Variants in CNBD1 observed in about 807,000 individuals in gnomAD.
The protein encoded by CNBD1 is cyclic nucleotide-binding domain-containing protein 1.
CNBD1 carries 71 observed loss-of-function variants against 54.4 expected under a neutral mutation model. The ratio of observed to expected loss-of-function variants is 1.30; its 90% confidence interval spans 1.08 to 1.59. The LOEUF is 1.59. Among genes scored for constraint, CNBD1 ranks in the 40% most tolerant of loss-of-function variants. The pLI is 0.00. For synonymous variants in CNBD1, 182 were observed against 170.7 expected (o/e 1.07, Z -0.51); for missense variants, 659 against 518.0 (o/e 1.27, Z -2.64).
intron 4 of CNBD1, among the ~76,000 whole-genome samples, chr8:87,066,333 A>G (rs1050878577): frequency 6.4e-5 from 9 of 140,848 alleles, no homozygotes; most frequent in Non-Finnish European, 9.9e-5. Context: ...CAGATGTTAC[A>G]TAGTTACACT....
chr8:87,215,876 C>T (rs907898718), intron 5 of CNBD1, among the ~76,000 whole-genome samples: 1 of 152,140 alleles, frequency 6.6e-6, no homozygotes, highest in Admixed American at 6.5e-5. Context: ...AGCCCATGCC[C>T]ATTAAGCAAT....
At chr8:86,993,385 T>C (rs1808796241) in intron 4 of CNBD1, among the ~76,000 whole-genome samples, 1 of 152,196 alleles carries the variant, frequency 6.6e-6, no homozygotes, top group African/African-American at 2.4e-5. Context: ...AGTCCTGGGA[T>C]TGGGTTTCAA....
chr8:87,009,311 AT>A (rs561276075), intron 4 of CNBD1, among the ~76,000 whole-genome samples: 2 of 150,950 alleles, frequency 1.3e-5, no homozygotes, highest in Non-Finnish European at 3.0e-5. Context: ...TTTTATTTTT[AT>A]TTTTTTGAGA....
chr8:87,212,240 T>A (rs1814114639), intron 5 of CNBD1, among the ~76,000 whole-genome samples: 2 of 152,110 alleles, frequency 1.3e-5, no homozygotes, highest in Admixed American at 1.3e-4. Flanking sequence ...AATCCAATAT[T>A]CATTGATCTA....
intron 4 of CNBD1, among the ~76,000 whole-genome samples, chr8:87,015,116 AC>A (rs1376115365): frequency 2.6e-5 from 4 of 152,322 alleles, no homozygotes; most frequent in Non-Finnish European, 2.9e-5. Context: ...ATACTAAAAA[AC>A]GTACATGAAT....
chr8:87,327,148 G>T (rs1220740005), intron 8 of CNBD1, among the ~76,000 whole-genome samples: 3 of 141,838 alleles, frequency 2.1e-5, no homozygotes, highest in Non-Finnish European at 4.6e-5. Context: ...ACTTGAGGAG[G>T]CAGTCTGCCC....
chr8:87,274,146 A>C (rs994685445), intron 6 of CNBD1, among the ~76,000 whole-genome samples: 1 of 151,950 alleles, frequency 6.6e-6, no homozygotes, highest in African/African-American at 2.4e-5. Context: ...TATATGTGCC[A>C]CATTTTCTTA....
chr8:87,378,164 C>A (rs999142983), intron 10 of CNBD1, among the ~76,000 whole-genome samples: 12 of 141,142 alleles, frequency 8.5e-5, no homozygotes, highest in Non-Finnish European at 3.1e-5. Flanking sequence ...TTAATTAGAT[C>A]CCATTTGTCA....
intron 5 of CNBD1, among the ~76,000 whole-genome samples, chr8:87,220,004 T>G (rs1814295602): frequency 6.6e-6 from 1 of 151,942 alleles, no homozygotes; most frequent in South Asian, 2.1e-4. Flanking sequence ...CCTATAAACT[T>G]TGGGATTAAA....
chr8:87,423,103 G>A (rs1807974621), intron 2 of CNBD1, among the ~76,000 whole-genome samples: 1 of 152,064 alleles, frequency 6.6e-6, no homozygotes, highest in Non-Finnish European at 1.5e-5. Context: ...AGGAATGCTT[G>A]TGATTTTTGC....
At chr8:87,305,365 C>T (rs922289282) in intron 8 of CNBD1, among the ~76,000 whole-genome samples, 1 of 152,022 alleles carries the variant, frequency 6.6e-6, no homozygotes, top group African/African-American at 2.4e-5. Context: ...CACTTCCCAT[C>T]AAAATACCAC....
intron 3 of CNBD1, among the ~76,000 whole-genome samples, chr8:86,910,264 C>A (rs903986051): frequency 6.6e-5 from 10 of 152,108 alleles, no homozygotes; most frequent in Non-Finnish European, 1.5e-5. Context: ...GAGTGCTTGT[C>A]GGACTCTCTA....
At chr8:87,266,081 A>T (rs560860239) in intron 6 of CNBD1, among the ~76,000 whole-genome samples, 132 of 152,220 alleles carry the variant, frequency 8.7e-4, no homozygotes, top group African/African-American at 3.1e-3. Context: ...GAAAGATATC[A>T]CAGAAGGGTT....
At chr8:87,184,601 G>T (rs1813434418) in intron 4 of CNBD1, among the ~76,000 whole-genome samples, 1 of 152,144 alleles carries the variant, frequency 6.6e-6, no homozygotes, top group Non-Finnish European at 1.5e-5. Context: ...TAGGATCCTG[G>T]AGGTCTATGG....
At chr8:86,917,148 G>T (rs958313409) in intron 3 of CNBD1, among the ~76,000 whole-genome samples, 12 of 117,172 alleles carry the variant, frequency 1.0e-4, no homozygotes, top group Non-Finnish European at 9.9e-5. Context: ...TCTCAAAAAA[G>T]AAAAAAAAAG....
chr8:87,121,865 G>C (rs1811897032), intron 4 of CNBD1, among the ~76,000 whole-genome samples: 3 of 151,158 alleles, frequency 2.0e-5, no homozygotes, highest in Admixed American at 2.0e-4. Context: ...CCTTTTTAAG[G>C]CTGTATAGTA....
intron 4 of CNBD1, among the ~76,000 whole-genome samples, chr8:87,170,062 T>G (rs1003870050): frequency 2.6e-5 from 4 of 152,100 alleles, no homozygotes; most frequent in Non-Finnish European, 2.9e-5. Context: ...ATATTTCAAT[T>G]TTTTGGCCTC....
At chr8:87,419,517 T>C (rs1364574064) in intron 2 of CNBD1, among the ~76,000 whole-genome samples, 1 of 151,920 alleles carries the variant, frequency 6.6e-6, no homozygotes, top group Admixed American at 6.6e-5. Context: ...TTATAGAAAT[T>C]GTTCCTATGC....
intron 1 of CNBD1, among the ~76,000 whole-genome samples, chr8:86,880,347 A>AC: frequency 6.6e-6 from 1 of 152,114 alleles, no homozygotes; most frequent in Admixed American, 6.5e-5. Context: ...AAATAAAAAA[A>AC]AACGTAATAC....
Sources: allele counts gnomAD v4.1 joint callset (sites outside exome capture counted in the v4.1 genomes callset), GRCh38; gene constraint gnomAD v4.1.1; transcripts MANE v1.5; gene names NCBI Gene and HGNC (gene_info 2026-07-23, HGNC 2026-07-21).